The following AFF3 variants were observed in gnomAD, a reference collection of about 807,000 sequenced individuals.
The protein encoded by AFF3 is ALF transcription elongation factor 3, also known as AF4/FMR2 family member 3.
In AFF3, 32 loss-of-function variants were observed where a neutral mutation model predicts 129.7. The observed-to-expected ratio is 0.25, with a 90% CI of 0.19 to 0.33. The LOEUF is 0.33. Among genes scored for constraint, AFF3 ranks in the 10% least tolerant of loss-of-function variants. The pLI, the probability that AFF3 is intolerant of heterozygous loss-of-function variation, is 1.00. For synonymous variants in AFF3, 644 were observed against 635.4 expected, an observed-to-expected ratio of 1.01 and a Z score of -0.20; for missense variants, 1,373 against 1,592.0, an observed-to-expected ratio of 0.86 and a Z score of 2.34.
chr2:99,691,664 A>G (rs1675675113), intron 11 of AFF3, among the ~76,000 whole-genome samples: 1 of 152,202 alleles, frequency 6.6e-6, no homozygotes, highest in Non-Finnish European at 1.5e-5. Flanking sequence ...AAGAGTCTTA[A>G]GTAAAGTTGT....
chr2:99,931,002 T>C (rs1272621345), intron 7 of AFF3, among the ~76,000 whole-genome samples: 6 of 152,364 alleles, frequency 3.9e-5, no homozygotes, highest in Admixed American at 3.3e-4. Flanking sequence ...CAGCTTAAGG[T>C]TCAGAATTGA....
chr2:99,940,275 T>C (rs551089494), intron 7 of AFF3, among the ~76,000 whole-genome samples: 1 of 152,320 alleles, frequency 6.6e-6, no homozygotes, highest in East Asian at 1.9e-4. Context: ...GGATAGAATA[T>C]TCCAGTTCTC....
chr2:99,767,525 G>A (rs1228327582), intron 8 of AFF3, among the ~76,000 whole-genome samples: 6 of 152,234 alleles, frequency 3.9e-5, no homozygotes, highest in African/African-American at 2.4e-5. Flanking sequence ...CTGGTAAAAT[G>A]AGGTAGACAG....
Position 99,588,310 on chromosome 2 carries a change from G to A in AFF3, c.2467-1032C>T, listed in dbSNP as rs557285173. Among the ~76,000 whole-genome samples the A allele has an allele frequency of 3.3e-5, 5 of 152,174 alleles. No homozygotes were observed. In the East Asian group the frequency reaches 9.7e-4, roughly 30 times the overall value. On this transcript the variant is annotated intron_variant, in intron 15 of 24. Coordinates refer to ENST00000672756, the MANE Select transcript of AFF3 (RefSeq NM_001386135.1). The stretch of plus-strand genomic sequence containing the variant: ...TCCCGCCTCAGCCTTCCAAGTAGCT[G>A]GGAATGCAAGTGTGTGCCACCATGC...
intron 11 of AFF3, among the ~76,000 whole-genome samples, chr2:99,694,951 T>C (rs1335356186): frequency 6.6e-6 from 1 of 152,058 alleles, no homozygotes; most frequent in Non-Finnish European, 1.5e-5. Context: ...GATCCACCCA[T>C]ATTGGCCTCC....
Position 99,565,518 on chromosome 2 carries a change from T to C in AFF3, c.3088A>G (p.Thr1030Ala). The C allele has an allele frequency of 1.9e-6, 3 of 1,614,224 alleles. No homozygotes were observed. The highest frequency in any genetic ancestry group is 2.5e-6 in the Non-Finnish European group (3 of 1,180,040). ...AGCTCTACTGTTTCTGAATACATCG[T>C]ATAAGGAGATTTGGATTCCATGGGG... ...QGPMESKSPY[T>A]MYSETVELIR... is the part of the protein sequence containing the mutation. Residue 1030 changes from threonine (T) to alanine (A), a missense_variant, in exon 20 of 25, where the codon ACG (threonine) becomes GCG (alanine). Transcript: ENST00000672756.
chr2:99,825,475 A>G (rs765142773), intron 8 of AFF3, among the ~76,000 whole-genome samples: 17 of 152,194 alleles, frequency 1.1e-4, no homozygotes, highest in Admixed American at 6.5e-5. Context: ...TTTAAAATGT[A>G]TGTTTCGAGT....
intron 8 of AFF3, among the ~76,000 whole-genome samples, chr2:99,759,646 A>C (rs1682415137): frequency 6.6e-6 from 1 of 152,236 alleles, no homozygotes; most frequent in African/African-American, 2.4e-5. Flanking sequence ...ATGGTTACTT[A>C]AAGCATTCAG....
chr2:100,021,302 C>T (rs928578942), intron 4 of AFF3, among the ~76,000 whole-genome samples: 5 of 152,236 alleles, frequency 3.3e-5, no homozygotes, highest in Non-Finnish European at 7.3e-5. Context: ...GCCTGGCACT[C>T]TAATTCCTGG....
At chr2:99,889,338 A>G (rs954418059) in intron 7 of AFF3, among the ~76,000 whole-genome samples, 2 of 152,220 alleles carry the variant, frequency 1.3e-5, no homozygotes, top group Non-Finnish European at 2.9e-5. Flanking sequence ...TCTTGTAAAG[A>G]AAGGCAATAG....
At chr2:99,825,473 G>A (rs1688006444) in intron 8 of AFF3, among the ~76,000 whole-genome samples, 1 of 152,166 alleles carries the variant, frequency 6.6e-6, no homozygotes, top group Non-Finnish European at 1.5e-5. Context: ...AATTTAAAAT[G>A]TATGTTTCGA....
chr2:100,017,828 T>C (rs1483593743), intron 4 of AFF3, among the ~76,000 whole-genome samples: 1 of 152,226 alleles, frequency 6.6e-6, no homozygotes, highest in Non-Finnish European at 1.5e-5. Context: ...CCAGGCAGTC[T>C]GGCACCAGAG....
intron 7 of AFF3, among the ~76,000 whole-genome samples, chr2:99,968,421 C>T (rs906922497): frequency 6.6e-6 from 1 of 152,336 alleles, no homozygotes; most frequent in East Asian, 1.9e-4. Context: ...AGGATGCCTA[C>T]TCTGTCTGTC....
At chr2:99,902,371 G>C (rs1694405771) in intron 7 of AFF3, among the ~76,000 whole-genome samples, 1 of 152,008 alleles carries the variant, frequency 6.6e-6, no homozygotes, top group Non-Finnish European at 1.5e-5. Context: ...TTTCCAGTGT[G>C]CGGCTCTTCT....
intron 7 of AFF3, among the ~76,000 whole-genome samples, chr2:99,903,872 CTA>C (rs1694525617): frequency 6.6e-6 from 1 of 152,138 alleles, no homozygotes; most frequent in Admixed American, 6.5e-5. Flanking sequence ...GAAGTCCACT[CTA>C]TTTATCTTCT....
rs369021742 is a variant in AFF3, at chr2:99,806,515, G to A, written c.921+30962C>T. Among the ~76,000 whole-genome samples the A allele has an allele frequency of 3.3e-4, 50 of 152,218 alleles. 1 individual carries two copies. Among genetic ancestry groups the A allele is most frequent in the South Asian group, 1.7e-3 (8 of 4,814 alleles). ...TTCAATGCGATGCACCAGGAATCTC[G>A]CTCCCTATGGCTCCCTATTTGTTTC... On this transcript the variant is annotated intron_variant, in intron 8 of 24. Transcript: ENST00000672756.
intron 1 of AFF3, among the ~76,000 whole-genome samples, chr2:100,132,558 G>C (rs1692465650): frequency 6.6e-6 from 1 of 152,112 alleles, no homozygotes; most frequent in African/African-American, 2.4e-5. Flanking sequence ...GAAAAACAAA[G>C]GGTGCGGTAT....
chr2:99,925,943 T>C (rs1408609002), intron 7 of AFF3, among the ~76,000 whole-genome samples: 2 of 152,224 alleles, frequency 1.3e-5, no homozygotes, highest in African/African-American at 4.8e-5. Context: ...ACCAATAATG[T>C]TGGGATATAA....
intron 7 of AFF3, among the ~76,000 whole-genome samples, chr2:99,902,983 T>G (rs1694458687): frequency 6.6e-6 from 1 of 152,210 alleles, no homozygotes; most frequent in African/African-American, 2.4e-5. Context: ...AAGAGCATTC[T>G]ATATTGAAGC....
Sources: gnomAD v4.1 joint callset for allele counts (sites outside exome capture counted in the v4.1 genomes callset) on GRCh38, gnomAD v4.1.1 for gene constraint, MANE v1.5 for transcripts, NCBI Gene and HGNC (gene_info 2026-07-23, HGNC 2026-07-21) for gene names.